Variants in TMEM114 observed in about 807,000 individuals in gnomAD.
TMEM114 encodes claudin-26.
Under a neutral mutation model 6.2 loss-of-function variants are expected in TMEM114, and 6 were observed. That is an observed-to-expected ratio of 0.97 (90% CI 0.53 to 1.91). The LOEUF is 1.91. Ranked by LOEUF, TMEM114 falls within the 40% of genes most tolerant of loss-of-function variation. The pLI, the probability that TMEM114 is intolerant of heterozygous loss-of-function variation, is 0.01. For synonymous variants in TMEM114, 104 were observed against 73.0 expected (o/e 1.42, Z -2.16); for missense variants, 218 against 158.3 (o/e 1.38, Z -2.02).
intron 2 of TMEM114, among the ~76,000 whole-genome samples, chr16:8,577,217 A>C (rs976961739): frequency 5.3e-5 from 8 of 152,044 alleles, no homozygotes; most frequent in African/African-American, 1.9e-4. Flanking sequence ...CCTTCCCTCT[A>C]CTCTGCAGAT....
At chr16:8,551,181 G>A (rs1270481356) in intron 2 of TMEM114, among the ~76,000 whole-genome samples, 1 of 152,148 alleles carries the variant, frequency 6.6e-6, no homozygotes, top group Non-Finnish European at 1.5e-5. Flanking sequence ...CCAGAACCAA[G>A]AACCAGGAAC....
rs1192691060 is a variant in TMEM114 at position 8,562,596 on chromosome 16, A to ATGAG, written n.213-24774_213-24771dup. Among the ~76,000 whole-genome samples the ATGAG allele has an allele frequency of 3.7e-3, 334 of 91,342 alleles. 3 individuals are homozygous for ATGAG. The highest frequency in any genetic ancestry group is 8.6e-3 in the African/African-American group (207 of 24,188). 59.9% of individuals were successfully genotyped at this position (91,342 alleles called of 152,430 possible). A position where few individuals can be genotyped will look rare whatever the true frequency, so the allele number is the denominator to read the frequency against. ...AATGAGTGAGGAAATAAGTAAGTGA[A>ATGAG]TGAGTGAGTGAGTGAATGAGTGAGT... On this transcript the variant is annotated intron_variant and non_coding_transcript_variant, in intron 2 of 2. Coordinates refer to the TMEM114 transcript ENST00000623677.
At chr16:8,560,527 G>T (rs910447920) in intron 2 of TMEM114, among the ~76,000 whole-genome samples, 1 of 152,192 alleles carries the variant, frequency 6.6e-6, no homozygotes, top group Non-Finnish European at 1.5e-5. Flanking sequence ...CTTCCTGCTG[G>T]CTCCAAAAGG....
chr16:8,566,510 A>G (rs930885429), downstream of TMEM114, among the ~76,000 whole-genome samples: 3 of 152,208 alleles, frequency 2.0e-5, no homozygotes, highest in African/African-American at 7.2e-5. Flanking sequence ...GGATCAGAAC[A>G]CAACAGAATG....
downstream of TMEM114, among the ~76,000 whole-genome samples, chr16:8,568,597 A>G (rs1042553090): frequency 2.6e-5 from 4 of 152,210 alleles, no homozygotes; most frequent in South Asian, 2.1e-4. Context: ...GATGAAGACG[A>G]TGATGCCATA....
intron 2 of TMEM114, among the ~76,000 whole-genome samples, chr16:8,581,101 G>A (rs371108547): frequency 6.6e-6 from 1 of 152,094 alleles, no homozygotes; most frequent in Non-Finnish European, 1.5e-5. Flanking sequence ...TAAGGTAAAC[G>A]TGCATCTTAA....
At chr16:8,554,025 T>A (rs1024465871) in intron 2 of TMEM114, among the ~76,000 whole-genome samples, 2 of 152,174 alleles carry the variant, frequency 1.3e-5, no homozygotes, top group East Asian at 3.9e-4. Context: ...ATTACAGGCA[T>A]GCGCCACCAC....
At chr16:8,548,030 C>G (rs937902992) in intron 2 of TMEM114, among the ~76,000 whole-genome samples, 5 of 152,128 alleles carry the variant, frequency 3.3e-5, no homozygotes, top group Admixed American at 1.3e-4. Flanking sequence ...TTTGGCCGGA[C>G]TTTGTTAATT....
At chr16:8,548,645 A>AT in intron 2 of TMEM114, among the ~76,000 whole-genome samples, 1 of 149,100 alleles carries the variant, frequency 6.7e-6, no homozygotes, top group South Asian at 2.1e-4. Context: ...TCTTATATGC[A>AT]TTTTTTGTCC....
rs187373590 is a variant in TMEM114 at position 8,556,726 on chromosome 16, C to T, written n.213-18900G>A. Among the ~76,000 whole-genome samples, 997 of 152,292 alleles carry T rather than the reference C, an allele frequency of 6.5e-3. 2 individuals are homozygous for T. The highest frequency in any genetic ancestry group is 8.5e-3 in the South Asian group (41 of 4,828). On this transcript the variant is annotated intron_variant and non_coding_transcript_variant, in intron 2 of 2. Coordinates refer to the TMEM114 transcript ENST00000623677. ...CCATGTTGGCCAGGCTGGTCTCGAA[C>T]TCCTGACCTCAGGGGATCCACCCGC...
At chr16:8,543,735 C>T (rs933166436) in intron 2 of TMEM114, among the ~76,000 whole-genome samples, 4 of 152,312 alleles carry the variant, frequency 2.6e-5, no homozygotes, top group East Asian at 1.9e-4. Context: ...TGTCTCTCTC[C>T]TCCTGTAGAA....
At chr16:8,530,645 G>A in the TMEM114 span, among the ~76,000 whole-genome samples, 2 of 151,914 alleles carry the variant, frequency 1.3e-5, no homozygotes, top group Non-Finnish European at 2.9e-5. Flanking sequence ...AAGGGGGGAC[G>A]GATGAAGAGA....
At chr16:8,587,199 C>T (rs1255308535) in intron 2 of TMEM114, among the ~76,000 whole-genome samples, 3 of 152,038 alleles carry the variant, frequency 2.0e-5, no homozygotes, top group African/African-American at 7.3e-5. Context: ...AGAAACAGTT[C>T]TGGTTCACCA....
At chr16:8,540,080 T>G (rs1308974261) in intron 2 of TMEM114, among the ~76,000 whole-genome samples, 1 of 152,110 alleles carries the variant, frequency 6.6e-6, no homozygotes, top group Non-Finnish European at 1.5e-5. Flanking sequence ...CGCCTCAGCC[T>G]CCCAAAGTGC....
chr16:8,556,438 G>A (rs995763602), intron 2 of TMEM114, among the ~76,000 whole-genome samples: 17 of 152,192 alleles, frequency 1.1e-4, no homozygotes, highest in African/African-American at 4.1e-4. Flanking sequence ...TGGTGGCAAT[G>A]GTTGCATGAC....
intron 2 of TMEM114, among the ~76,000 whole-genome samples, chr16:8,559,525 C>G (rs922739111): frequency 1.8e-4 from 27 of 152,188 alleles, no homozygotes; most frequent in Admixed American, 9.8e-4. Flanking sequence ...CAGGAGGGAG[C>G]AAACTCCACC....
intron 2 of TMEM114, among the ~76,000 whole-genome samples, chr16:8,559,454 G>A (rs1444912797): frequency 6.6e-6 from 1 of 152,140 alleles, no homozygotes; most frequent in East Asian, 1.9e-4. Flanking sequence ...GTGAATCCTC[G>A]GCCCGCCATG....
chr16:8,572,366 C>CTGA (rs1056325807), intron 2 of TMEM114, 142 bp from the exon 3 acceptor site: 1 of 860,966 alleles, frequency 1.2e-6, no homozygotes, highest in South Asian at 1.6e-5. Context: ...TCTACTGTTT[C>CTGA]TGATGATGAT....
intron 2 of TMEM114, among the ~76,000 whole-genome samples, chr16:8,542,143 G>T (rs545904305): frequency 4.3e-4 from 23 of 53,644 alleles, no homozygotes; most frequent in South Asian, 6.8e-4. Context: ...GATGATTCGT[G>T]GGGGGGGGTC....
Sources: gnomAD v4.1 joint callset for allele counts (sites outside exome capture counted in the v4.1 genomes callset) on GRCh38, gnomAD v4.1.1 for gene constraint, MANE v1.5 for transcripts, NCBI Gene and HGNC (gene_info 2026-07-23, HGNC 2026-07-21) for gene names.